The following M1AP variants were observed in gnomAD, a reference collection of about 807,000 sequenced individuals.
The protein encoded by M1AP is meiosis 1 arrest protein.
Under a neutral mutation model 51.2 loss-of-function variants are expected in M1AP, and 39 were observed. That is an observed-to-expected ratio of 0.76 (90% CI 0.59 to 1.00). The LOEUF (loss-of-function observed/expected upper bound fraction) is 1.00, where lower values mean the gene tolerates loss of function less well. Among genes scored for constraint, M1AP ranks in the 50% least tolerant of loss-of-function variants. The pLI, the probability that M1AP is intolerant of heterozygous loss-of-function variation, is 0.00. For synonymous variants in M1AP, 251 were observed against 249.2 expected, an observed-to-expected ratio of 1.01 and a Z score of -0.07; for missense variants, 545 against 641.2, an observed-to-expected ratio of 0.85 and a Z score of 1.62.
chr2:74,579,965 G>C (rs913524448), intron 5 of M1AP, among the ~76,000 whole-genome samples: 3 of 152,062 alleles, frequency 2.0e-5, no homozygotes, highest in Admixed American at 6.6e-5. Context: ...ATACCACTGT[G>C]CCTGGCTAAT....
At position 74,585,365 on chromosome 2, in the gene M1AP, A is replaced by G. The variant is rs183784552; in HGVS notation, c.596-3518T>C. Among the ~76,000 whole-genome samples the G allele has an allele frequency of 3.3e-5, 5 of 152,316 alleles. No individual in the cohort carries two copies. In the East Asian group the frequency reaches 9.6e-4, roughly 29 times the overall value. On this transcript the variant is annotated intron_variant, in intron 4 of 10. Coordinates refer to ENST00000421985, the MANE Select transcript of M1AP (RefSeq NM_001321739.2). ...ATGGTTATGGTTCTCCCTCTAAAAC[A>G]TTCTGGCTTATCCTTTAGTCTTGAG...
intron 9 of M1AP, 37 bp downstream of exon 9, chr2:74,560,114 G>C (rs748819121): frequency 3.1e-6 from 5 of 1,607,392 alleles, no homozygotes; most frequent in Non-Finnish European, 4.2e-6. Context: ...GGGAGGGAGG[G>C]GAAGTAAGGA....
intron 3 of M1AP, among the ~76,000 whole-genome samples, chr2:74,613,670 T>G (rs1028526724): frequency 2.0e-5 from 3 of 152,214 alleles, no homozygotes; most frequent in African/African-American, 7.2e-5. Context: ...TAGTTTCTCC[T>G]GAGTAACTAC....
chr2:74,610,216 C>T, intron 3 of M1AP, among the ~76,000 whole-genome samples: 1 of 151,576 alleles, frequency 6.6e-6, no homozygotes, highest in Non-Finnish European at 1.5e-5. Flanking sequence ...ACCATGTTGA[C>T]CAGACTGGTC....
chr2:74,640,138 C>T lies in M1AP; in HGVS notation c.138G>A (p.Gln46=), dbSNP rs1434560573. The stretch of plus-strand genomic sequence containing the variant: ...AGCTGCAGGCTAGAGAGAAGAAGTT[C>T]TGCAGAGCCTCACAGAGGTTGGTGC... ...DICTNLCEAL[Q]NFFSLACSLM... The change falls in exon 2 of 11, where the codon CAG becomes CAA. Residue 46 remains glutamine, a synonymous_variant. Transcript: ENST00000421985. The T allele has an allele frequency of 5.6e-6, 9 of 1,614,164 alleles. No individual in the cohort carries two copies. The highest frequency in any genetic ancestry group is 6.8e-6 in the Non-Finnish European group (8 of 1,180,016).
At chr2:74,562,869 T>C in intron 7 of M1AP, among the ~76,000 whole-genome samples, 1 of 152,174 alleles carries the variant, frequency 6.6e-6, no homozygotes, top group Middle Eastern at 3.4e-3. Context: ...TGAGCCATGA[T>C]TGTACCACTG....
intron 9 of M1AP, 125 bp from the exon 10 acceptor site, chr2:74,559,834 CCTTTT>C (rs1397371080): frequency 1.5e-6 from 1 of 685,394 alleles, no homozygotes; most frequent in African/African-American, 1.8e-5. Flanking sequence ...TTTCCTTCAG[CCTTTT>C]CTTTCACGAG....
At chr2:74,573,997 C>A (rs1177289638) in intron 7 of M1AP, among the ~76,000 whole-genome samples, 1 of 152,188 alleles carries the variant, frequency 6.6e-6, no homozygotes, top group African/African-American at 2.4e-5. Flanking sequence ...CTAACAGTTA[C>A]AACGGCTCCG....
intron 4 of M1AP, among the ~76,000 whole-genome samples, chr2:74,584,448 CAAA>C (rs772920948): frequency 5.4e-5 from 4 of 73,570 alleles, no homozygotes; most frequent in Admixed American, 1.5e-4. Context: ...GTCTCAGTTG[CAAA>C]AAAAAAAAAA....
chr2:74,587,876 A>G (rs975140644), intron 4 of M1AP, among the ~76,000 whole-genome samples: 2 of 152,230 alleles, frequency 1.3e-5, no homozygotes, highest in African/African-American at 4.8e-5. Context: ...CCACAATGGG[A>G]AAAAACTAAG....
chr2:74,558,844 C>A lies in M1AP; in HGVS notation c.1465G>T (p.Ala489Ser). Residue 489 changes from alanine to serine, a missense_variant, in exon 11 of 11, where the codon GCT becomes TCT. Ala to Ser is a moderately conservative substitution (Grantham distance 99). Coordinates refer to ENST00000421985, the MANE Select transcript of M1AP (RefSeq NM_001321739.2). ...GTCATAGGCAGGGGGGCCACAGTAGCTCGAGCTCGGTTGGTCTGCAACTGC... is the reference window on the plus strand; with the variant it reads ...GTCATAGGCAGGGGGGCCACAGTAGATCGAGCTCGGTTGGTCTGCAACTGC... ...TGQLQTNRAR[A>S]TVAPLPMTPV... 1 of 1,602,134 alleles carries A rather than the reference C, an allele frequency of 6.2e-7. No individual in the cohort carries two copies. The highest frequency in any genetic ancestry group is 1.1e-5 in the South Asian group (1 of 89,012).
At chr2:74,594,376 G>A (rs763176041) in intron 4 of M1AP, among the ~76,000 whole-genome samples, 1 of 152,060 alleles carries the variant, frequency 6.6e-6, no homozygotes, top group Non-Finnish European at 1.5e-5. Context: ...GCTCAATGAG[G>A]AATAGAAAAT....
Position 74,610,131 on chromosome 2 carries a change from A to G in M1AP, c.427-2908T>C, listed in dbSNP as rs184639323. On this transcript the variant is annotated intron_variant, in intron 3 of 10. Transcript: ENST00000421985. ...ATCCTTCTGCCTCAGCCTCCCATGTAGCTGAAACCACAGATGCATGCCACC... is the reference window on the plus strand; with the variant it reads ...ATCCTTCTGCCTCAGCCTCCCATGTGGCTGAAACCACAGATGCATGCCACC... Among the ~76,000 whole-genome samples the G allele has an allele frequency of 3.1e-3, 467 of 151,120 alleles. 3 individuals are homozygous for G. Among genetic ancestry groups the G allele is most frequent in the Non-Finnish European group, 5.0e-3 (342 of 67,876 alleles).
At chr2:74,620,799 T>G in intron 2 of M1AP, 1 of 197,850 alleles carries the variant, frequency 5.1e-6, no homozygotes, top group Admixed American at 5.0e-5. Context: ...GCTGACAAAA[T>G]TCTTGCCTAT....
intron 7 of M1AP, among the ~76,000 whole-genome samples, chr2:74,570,073 G>A (rs1316012112): frequency 6.6e-6 from 1 of 151,994 alleles, no homozygotes; most frequent in Non-Finnish European, 1.5e-5. Context: ...TTTACTTTTG[G>A]GCCTCTGATA....
chr2:74,606,953 T>TTA, intron 4 of M1AP, 102 bp downstream of exon 4: 1 of 832,352 alleles, frequency 1.2e-6, no homozygotes, highest in Non-Finnish European at 1.8e-6. Context: ...TGCAGGTTTG[T>TTA]TACATATGTA....
intron 2 of M1AP, among the ~76,000 whole-genome samples, chr2:74,638,284 C>T (rs886122367): frequency 1.5e-4 from 23 of 152,262 alleles, no homozygotes; most frequent in African/African-American, 5.3e-4. Context: ...GAACTACTGA[C>T]CTCAGGTGAT....
chr2:74,586,006 C>T (rs1679683566), intron 4 of M1AP, among the ~76,000 whole-genome samples: 1 of 152,192 alleles, frequency 6.6e-6, no homozygotes, highest in Non-Finnish European at 1.5e-5. Context: ...TGGTACTACT[C>T]ATTATTCTAC....
At chr2:74,596,568 C>T (rs1680353417) in intron 4 of M1AP, among the ~76,000 whole-genome samples, 1 of 151,678 alleles carries the variant, frequency 6.6e-6, no homozygotes, top group African/African-American at 2.4e-5. Context: ...GGCAAAAGAG[C>T]GAGACTCCAT....
Sources: gnomAD v4.1 joint callset for allele counts (sites outside exome capture counted in the v4.1 genomes callset) on GRCh38, gnomAD v4.1.1 for gene constraint, MANE v1.5 for transcripts, NCBI Gene and HGNC (gene_info 2026-07-23, HGNC 2026-07-21) for gene names.